The following IPCEF1 variants were observed in gnomAD, a reference collection of about 807,000 sequenced individuals.
The protein encoded by IPCEF1 is interactor protein for cytohesin exchange factors 1.
IPCEF1 carries 31 observed loss-of-function variants against 50.9 expected under a neutral mutation model. The observed-to-expected ratio is 0.61, with a 90% CI of 0.46 to 0.82. IPCEF1 has a LOEUF of 0.82. Ranked by LOEUF, IPCEF1 falls within the 40% of genes least tolerant of loss-of-function variation. The probability of loss-of-function intolerance (pLI) is 0.00; values close to 1 mark genes in which losing one functional copy is unlikely to be tolerated. For synonymous variants in IPCEF1, 181 were observed against 192.0 expected (o/e 0.94, Z 0.47); for missense variants, 458 against 514.0 (o/e 0.89, Z 1.05).
intron 3 of IPCEF1, among the ~76,000 whole-genome samples, chr6:154,265,007 T>C (rs561729288): frequency 6.6e-6 from 1 of 152,354 alleles, no homozygotes; most frequent in African/African-American, 2.4e-5. Flanking sequence ...CTTCTGATTC[T>C]GCTTTTAGCT....
rs1778721626 is a variant in IPCEF1, at chr6:154,219,961, A to G, written c.392+1296T>C. Among the ~76,000 whole-genome samples, 2 of 151,218 alleles carry G rather than the reference A, an allele frequency of 1.3e-5. 1 individual carries two copies. The highest frequency in any genetic ancestry group is 4.2e-4 in the South Asian group (2 of 4,784). On this transcript the variant is annotated intron_variant, in intron 7 of 11. Coordinates refer to ENST00000367220, the MANE Select transcript of IPCEF1 (RefSeq NM_001130700.2). Reference sequence around the variant, plus strand: ...CAGATGAGAGTCCTTCTAGCTGGACAGAGCTGAGCGGATACCTGTAAGGAG... The same window carrying G: ...CAGATGAGAGTCCTTCTAGCTGGACGGAGCTGAGCGGATACCTGTAAGGAG...
intron 1 of IPCEF1, among the ~76,000 whole-genome samples, chr6:154,305,972 A>G (rs182685700): frequency 1.3e-5 from 2 of 152,206 alleles, no homozygotes; most frequent in Admixed American, 1.3e-4. Context: ...ACTTGGACTG[A>G]CTTCCTTGCT....
rs534134978 is a variant in IPCEF1 at position 154,317,051 on chromosome 6, G to A, written c.-61-27295C>T. Among the ~76,000 whole-genome samples, 19 of 152,018 alleles carry A rather than the reference G, an allele frequency of 1.2e-4. No individual in the cohort carries two copies. In the East Asian group the frequency reaches 2.9e-3, roughly 23 times the overall value. ...TAAAGTAATATTTTTGTGATCTTGGGGTAGGCAAAGATTTCTTACTCAGGA... is the reference window on the plus strand; with the variant it reads ...TAAAGTAATATTTTTGTGATCTTGGAGTAGGCAAAGATTTCTTACTCAGGA... On this transcript the variant is annotated intron_variant, in intron 1 of 11. Transcript: ENST00000367220.
intron 3 of IPCEF1, among the ~76,000 whole-genome samples, chr6:154,255,151 C>A (rs1245643937): frequency 6.6e-6 from 1 of 152,040 alleles, no homozygotes; most frequent in African/African-American, 2.4e-5. Flanking sequence ...TTTCTGGGAT[C>A]ATCTTTCTTT....
Position 154,223,217 on chromosome 6 carries a change from G to T in IPCEF1, c.273C>A (p.Asn91Lys). ...CTCTTTCCACAGTGAAATCAGGCAG[G>T]TTGACAAATCCATCAGCTTTCTCTG... is the stretch of plus-strand genomic sequence containing the variant. ...QMAEKADGFV[N>K]LPDFTVERAS... Residue 91 changes from asparagine to lysine, a missense_variant, in exon 6 of 12, where the codon AAC (asparagine) becomes AAA (lysine). By Grantham distance (94) the Asn-to-Lys change is moderately conservative. Coordinates refer to ENST00000367220, the MANE Select transcript of IPCEF1 (RefSeq NM_001130700.2). 1 of 1,613,568 alleles carries T rather than the reference G, an allele frequency of 6.2e-7. No individual in the cohort carries two copies. Among genetic ancestry groups the T allele is most frequent in the South Asian group, 1.1e-5 (1 of 91,046 alleles).
chr6:154,196,675 A>T (rs572125337), intron 10 of IPCEF1, among the ~76,000 whole-genome samples: 4 of 152,348 alleles, frequency 2.6e-5, no homozygotes, highest in African/African-American at 9.6e-5. Flanking sequence ...TTCTAACAAA[A>T]GAAATGAGGA....
chr6:154,216,453 T>C (rs1470504997), intron 7 of IPCEF1, among the ~76,000 whole-genome samples: 2 of 98,038 alleles, frequency 2.0e-5, no homozygotes, highest in Admixed American at 3.4e-4. Context: ...ATACTCTTAA[T>C]TGAGAAGATC....
At chr6:154,333,400 T>C (rs1372077900) in intron 1 of IPCEF1, among the ~76,000 whole-genome samples, 2 of 151,976 alleles carry the variant, frequency 1.3e-5, no homozygotes, top group Non-Finnish European at 2.9e-5. Flanking sequence ...TACACCTTTC[T>C]CCTATGCTGG....
intron 5 of IPCEF1, among the ~76,000 whole-genome samples, chr6:154,229,484 G>C (rs1450720922): frequency 1.3e-5 from 2 of 151,430 alleles, no homozygotes; most frequent in East Asian, 3.9e-4. Flanking sequence ...CGAGTAGCTG[G>C]GACTACAGGC....
chr6:154,191,454 A>C (rs866832769), intron 10 of IPCEF1, among the ~76,000 whole-genome samples: 1 of 152,256 alleles, frequency 6.6e-6, no homozygotes, highest in Middle Eastern at 3.4e-3. Context: ...CAGGTGGATC[A>C]CCTGAGGTCA....
chr6:154,253,672 T>C (rs1045366154), intron 3 of IPCEF1, among the ~76,000 whole-genome samples: 7 of 152,230 alleles, frequency 4.6e-5, no homozygotes. Context: ...TCATAGGATA[T>C]GTGCATCTTT....
chr6:154,207,492 T>C (rs1777598994), intron 9 of IPCEF1, among the ~76,000 whole-genome samples: 1 of 152,250 alleles, frequency 6.6e-6, no homozygotes, highest in Non-Finnish European at 1.5e-5. Flanking sequence ...TCAAGATATG[T>C]CTTGTTAAGA....
chr6:154,215,475 G>A (rs1370418891), intron 7 of IPCEF1, among the ~76,000 whole-genome samples: 4 of 151,952 alleles, frequency 2.6e-5, no homozygotes, highest in African/African-American at 7.3e-5. Flanking sequence ...GTGTGGTGGC[G>A]GAAGCCTGTA....
chr6:154,260,706 C>T (rs987856065), intron 3 of IPCEF1, among the ~76,000 whole-genome samples: 3 of 152,060 alleles, frequency 2.0e-5, no homozygotes, highest in Non-Finnish European at 4.4e-5. Context: ...CTCCTGACCT[C>T]GTGATCCACC....
At position 154,157,045 on chromosome 6, in the gene IPCEF1, C is replaced by T. The variant is rs1798746026; in HGVS notation, c.*2783G>A. On this transcript the variant is annotated 3_prime_UTR_variant, in exon 12 of 12. Coordinates refer to ENST00000367220, the MANE Select transcript of IPCEF1 (RefSeq NM_001130700.2). ...CTGGGTATAGGAATTGGCCCTTGGA[C>T]CCCAGGAAACTACCCCAAATGCATT... 6.6e-6 allele frequency: 1 copy of T among 152,242 alleles called. No individual in the cohort carries two copies. Among genetic ancestry groups the T allele is most frequent in the African/African-American group, 2.4e-5 (1 of 41,430 alleles). 9.4% of individuals were successfully genotyped at this position (152,242 alleles called of 1,614,324 possible).
intron 1 of IPCEF1, among the ~76,000 whole-genome samples, chr6:154,319,676 C>G (rs3843917): frequency 0.43 from 64,767 of 151,932 alleles, 14,362 homozygotes; most frequent in African/African-American, 0.55. Flanking sequence ...AGACGCGAAG[C>G]GGGGAAACAT....
chr6:154,239,524 C>T (rs1780404093), intron 5 of IPCEF1, among the ~76,000 whole-genome samples: 1 of 152,180 alleles, frequency 6.6e-6, no homozygotes, highest in Admixed American at 6.5e-5. Context: ...CCCCTTTGAT[C>T]CATGAGTCAT....
chr6:154,247,248 C>T (rs1781129031), intron 4 of IPCEF1: 1 of 557,260 alleles, frequency 1.8e-6, no homozygotes, highest in Admixed American at 3.1e-5. Context: ...TTTTGACATA[C>T]CACGAGGGAT....
intron 1 of IPCEF1, among the ~76,000 whole-genome samples, chr6:154,345,095 C>A (rs1439951076): frequency 6.6e-6 from 1 of 152,186 alleles, no homozygotes; most frequent in Non-Finnish European, 1.5e-5. Flanking sequence ...GTCTCAAACT[C>A]CTGACCACAG....
Sources: allele counts gnomAD v4.1 joint callset (sites outside exome capture counted in the v4.1 genomes callset), GRCh38; gene constraint gnomAD v4.1.1; transcripts MANE v1.5; gene names NCBI Gene and HGNC (gene_info 2026-07-23, HGNC 2026-07-21).